ATP10A: variants seen among roughly 807,000 people sequenced by gnomAD.
The protein encoded by ATP10A is phospholipid-transporting ATPase VA.
In ATP10A, 111 loss-of-function variants were observed where a neutral mutation model predicts 147.8. The ratio of observed to expected loss-of-function variants is 0.75; its 90% CI spans 0.64 to 0.88. The LOEUF (loss-of-function observed/expected upper bound fraction) is 0.88. ATP10A is among the 40% of genes least tolerant of loss of function. The pLI, the probability that ATP10A is intolerant of heterozygous loss-of-function variation, is 0.00. For synonymous variants in ATP10A, 875 were observed against 841.6 expected (o/e 1.04, Z -0.69); for missense variants, 1,927 against 1,959.0 (o/e 0.98, Z 0.31).
chr15:25,744,443 T>A (rs370245023), intron 2 of ATP10A, among the ~76,000 whole-genome samples: 35 of 152,254 alleles, frequency 2.3e-4, no homozygotes, highest in African/African-American at 8.2e-4. Flanking sequence ...CCAGGTACAA[T>A]GTCAGACACA....
At chr15:25,824,346 C>A (rs1450685405) in intron 1 of ATP10A, among the ~76,000 whole-genome samples, 1 of 151,446 alleles carries the variant, frequency 6.6e-6, no homozygotes, top group Non-Finnish European at 1.5e-5. Context: ...TGATGGTGTA[C>A]ACTTGTGGTC....
At chr15:25,692,944 G>T (rs1050220711) in intron 14 of ATP10A, among the ~76,000 whole-genome samples, 2 of 151,988 alleles carry the variant, frequency 1.3e-5, no homozygotes, top group Non-Finnish European at 2.9e-5. Context: ...AGGACTACAG[G>T]TACATGCCAC....
chr15:25,856,992 C>T (rs540604830), intron 1 of ATP10A, among the ~76,000 whole-genome samples: 1 of 152,280 alleles, frequency 6.6e-6, no homozygotes, highest in South Asian at 2.1e-4. Flanking sequence ...ATAGAGTTTT[C>T]TGGGGGAAAA....
chr15:25,803,217 T>C (rs1891018077), intron 1 of ATP10A, among the ~76,000 whole-genome samples: 1 of 152,216 alleles, frequency 6.6e-6, no homozygotes, highest in African/African-American at 2.4e-5. Flanking sequence ...CCTCCTTCCC[T>C]GTCTCGGGCA....
chr15:25,813,511 T>G (rs145833640), intron 1 of ATP10A, among the ~76,000 whole-genome samples: 173 of 152,092 alleles, frequency 1.1e-3, no homozygotes, highest in African/African-American at 4.0e-3. Context: ...AAAGCAGGCA[T>G]GCAAAGAAGC....
chr15:25,745,439 A>C (rs1887798256), intron 2 of ATP10A, among the ~76,000 whole-genome samples: 1 of 151,754 alleles, frequency 6.6e-6, no homozygotes, highest in Non-Finnish European at 1.5e-5. Flanking sequence ...AAAGAGAAGG[A>C]GGCCAAGCAC....
chr15:25,761,181 G>A (rs116039507), intron 2 of ATP10A, among the ~76,000 whole-genome samples: 168 of 152,226 alleles, frequency 1.1e-3, no homozygotes, highest in African/African-American at 4.0e-3. Flanking sequence ...ACGAAAAAAG[G>A]ACACACTGTA....
Position 25,710,130 on chromosome 15 carries a change from A to T in ATP10A, c.2345-1830T>A, listed in dbSNP as rs1901311632. The stretch of plus-strand genomic sequence containing the variant: ...TCACACTGCATTTTAGGCAACGGTC[A>T]TGCAATATTAGCCCCTTCTTTCTGA... On this transcript the variant is annotated intron_variant, in intron 10 of 20. Coordinates refer to ENST00000555815, the MANE Select transcript of ATP10A (RefSeq NM_024490.4). 7 of 152,338 alleles carry T rather than the reference A, an allele frequency of 4.6e-5. No homozygotes were observed. In the South Asian group the frequency reaches 1.4e-3, roughly 32 times the overall value. 9.4% of individuals were successfully genotyped at this position (152,338 alleles called of 1,614,324 possible).
intron 1 of ATP10A, among the ~76,000 whole-genome samples, chr15:25,839,950 T>G (rs1892745098): frequency 6.6e-6 from 1 of 152,114 alleles, no homozygotes; most frequent in African/African-American, 2.4e-5. Context: ...TGTGCATCTG[T>G]GCAGTTTCTC....
intron 1 of ATP10A, among the ~76,000 whole-genome samples, chr15:25,791,728 C>T (rs1268080644): frequency 1.3e-5 from 2 of 152,104 alleles, no homozygotes; most frequent in African/African-American, 4.8e-5. Context: ...TCTTCTTGAC[C>T]ACGAAACCTG....
chr15:25,803,269 G>GAGGGCA (rs1891021175), intron 1 of ATP10A, among the ~76,000 whole-genome samples: 1 of 152,170 alleles, frequency 6.6e-6, no homozygotes, highest in Non-Finnish European at 1.5e-5. Context: ...ATGATGCTTC[G>GAGGGCA]CCCACTGGGC....
At chr15:25,796,517 G>A (rs1169887963) in intron 1 of ATP10A, among the ~76,000 whole-genome samples, 3 of 152,252 alleles carry the variant, frequency 2.0e-5, no homozygotes, top group Admixed American at 6.5e-5. Flanking sequence ...AGCAATGCCC[G>A]AGCAGCTGGA....
At chr15:25,745,117 G>A (rs368370075) in intron 2 of ATP10A, among the ~76,000 whole-genome samples, 137 of 152,266 alleles carry the variant, frequency 9.0e-4, no homozygotes, top group African/African-American at 3.1e-3. Flanking sequence ...CGACGTCATG[G>A]TCTTGAAAGA....
At chr15:25,838,273 C>A (rs1334142073) in intron 1 of ATP10A, among the ~76,000 whole-genome samples, 1 of 152,178 alleles carries the variant, frequency 6.6e-6, no homozygotes, top group East Asian at 1.9e-4. Context: ...CCTAAGAGGC[C>A]TAACACTTTG....
rs147917065 is a variant in ATP10A, at chr15:25,813,246, C to G, written c.450-32023G>C. 2.0e-5 allele frequency among the ~76,000 whole-genome samples: 3 copies of G among 152,258 alleles called. No homozygotes were observed. The East Asian group carries it at 5.8e-4, about 29-fold the overall frequency. ...GATCCAGGAATAGTCCTTGATCTCACCAGTTAAGGTAGAAATTCACAGGTC... is the reference window on the plus strand; with the variant it reads ...GATCCAGGAATAGTCCTTGATCTCAGCAGTTAAGGTAGAAATTCACAGGTC... On this transcript the variant is annotated intron_variant, in intron 1 of 20. Transcript: ENST00000555815.
At chr15:25,850,209 T>A (rs759183335) in intron 1 of ATP10A, among the ~76,000 whole-genome samples, 4 of 152,122 alleles carry the variant, frequency 2.6e-5, no homozygotes, top group Admixed American at 6.5e-5. Context: ...TCAAAAATGG[T>A]TGGCTTGTTC....
At position 25,732,558 on chromosome 15, in the gene ATP10A, C is replaced by CTT. The variant is rs36120691; in HGVS notation, c.740+3496_740+3497dup. Among the ~76,000 whole-genome samples the CTT allele has an allele frequency of 2.9e-3, 241 of 84,144 alleles. 15 individuals are homozygous for CTT. Among genetic ancestry groups the CTT allele is most frequent in the African/African-American group, 0.011 (231 of 21,764 alleles). 55.2% of individuals were successfully genotyped at this position (84,144 alleles called of 152,430 possible). A position where few individuals can be genotyped will look rare whatever the true frequency, so the allele number is the denominator to read the frequency against. On this transcript the variant is annotated intron_variant, in intron 3 of 20. Coordinates refer to ENST00000555815, the MANE Select transcript of ATP10A (RefSeq NM_024490.4). ...GTGAGCATTTCACATGCGACACCTT[C>CTT]TTTTTTTTTTTTTTTGAGATGGAGT...
rs375227404 is a variant in ATP10A, at chr15:25,781,106, G to A, written c.567C>T (p.Pro189=). The A allele has an allele frequency of 1.4e-5, 22 of 1,614,190 alleles. No individual in the cohort carries two copies. The highest frequency in any genetic ancestry group is 6.7e-5 in the East Asian group (3 of 44,878). ...CGGTCTCGATGTGGCATAGCCCGTC[G>A]GGGTCACTGGAGGAGAGCAGCAGAA... ...ADILLLSSSD[P]DGLCHIETAN... The change falls in exon 2 of 21, where the codon CCC becomes CCT. Residue 189 remains proline (P), a synonymous_variant. Transcript: ENST00000555815.
chr15:25,782,741 T>C (rs17116135), intron 1 of ATP10A, among the ~76,000 whole-genome samples: 20,945 of 152,192 alleles, frequency 0.14, 1,772 homozygotes, highest in Admixed American at 0.24. Flanking sequence ...GGCTAACTAA[T>C]GTCACAAAGG....
Sources: gnomAD v4.1 joint callset for allele counts (sites outside exome capture counted in the v4.1 genomes callset) on GRCh38, gnomAD v4.1.1 for gene constraint, MANE v1.5 for transcripts, NCBI Gene and HGNC (gene_info 2026-07-23, HGNC 2026-07-21) for gene names.